The following LRP1B variants were observed in gnomAD, a reference collection of about 807,000 sequenced individuals.
LRP1B encodes LDL receptor related protein 1B.
A neutral mutation model predicts 556.6 loss-of-function variants in LRP1B; 217 were observed. The ratio of observed to expected loss-of-function variants is 0.39; its 90% CI spans 0.35 to 0.44. The LOEUF is 0.44. Among genes scored for constraint, LRP1B ranks in the 20% least tolerant of loss-of-function variants. The pLI is 1.00. For missense variants in LRP1B, 5,053 were observed against 5,620.8 expected, an observed-to-expected ratio of 0.90 and a Z score of 3.23; for synonymous variants, 2,047 against 1,865.8, an observed-to-expected ratio of 1.10 and a Z score of -2.50.
At chr2:141,225,955 A>G (rs749253810) in intron 6 of LRP1B, among the ~76,000 whole-genome samples, 51 of 152,110 alleles carry the variant, frequency 3.4e-4, no homozygotes, top group Non-Finnish European at 6.0e-4. Context: ...GTAAGCCAAC[A>G]TTACTAATAT....
rs536163126 is a variant in LRP1B, at chr2:141,614,207, A to G, written c.206-133674T>C. On this transcript the variant is annotated intron_variant, in intron 2 of 90. Transcript: ENST00000389484. ...AATGCTGCATAAAACAAATCTACTG[A>G]TTATGGAATCTTTTTCTCACACAAA... 3.3e-5 allele frequency among the ~76,000 whole-genome samples: 5 copies of G among 151,972 alleles called. No individual in the cohort carries two copies. The South Asian group carries it at 1.0e-3, about 32-fold the overall frequency.
intron 3 of LRP1B, among the ~76,000 whole-genome samples, chr2:141,434,982 C>A (rs528900927): frequency 4.6e-5 from 7 of 151,744 alleles, no homozygotes; most frequent in Non-Finnish European, 7.4e-5. Context: ...TCATTGTATA[C>A]GTAGTAGCTT....
intron 35 of LRP1B, among the ~76,000 whole-genome samples, chr2:140,717,842 AC>A (rs1165476237): frequency 2.6e-5 from 4 of 152,116 alleles, no homozygotes; most frequent in African/African-American, 7.2e-5. Context: ...TATAGTCTTT[AC>A]TTTTACCAGT....
chr2:141,868,220 A>C lies in LRP1B; in HGVS notation c.83-57819T>G, dbSNP rs149347625. On this transcript the variant is annotated intron_variant, in intron 1 of 90. Transcript: ENST00000389484. ...TTGGGAAATCTCTGAACGTTATTAA[A>C]TAGCCAAACCTCTAGTGCTACTCGT... 3.0e-3 allele frequency among the ~76,000 whole-genome samples: 450 copies of C among 152,288 alleles called. 5 individuals are homozygous for C. Among genetic ancestry groups the C allele is most frequent in the African/African-American group, 0.011 (439 of 41,568 alleles).
intron 77 of LRP1B, among the ~76,000 whole-genome samples, chr2:140,348,472 T>C (rs1681798212): frequency 6.6e-6 from 1 of 152,092 alleles, no homozygotes; most frequent in Non-Finnish European, 1.5e-5. Flanking sequence ...GACTCCTTAG[T>C]AGAAAATGCA....
intron 6 of LRP1B, among the ~76,000 whole-genome samples, chr2:141,196,920 A>G (rs1423663161): frequency 2.0e-5 from 3 of 152,064 alleles, no homozygotes; most frequent in Non-Finnish European, 4.4e-5. Flanking sequence ...CCACCTTACA[A>G]TGCAAGGTAT....
chr2:140,864,674 C>T (rs1455493647), intron 27 of LRP1B, among the ~76,000 whole-genome samples: 1 of 151,726 alleles, frequency 6.6e-6, no homozygotes, highest in Admixed American at 6.6e-5. Flanking sequence ...TTTTAATATA[C>T]CTGAAACTTA....
At chr2:141,891,827 C>T (rs893073291) in intron 1 of LRP1B, among the ~76,000 whole-genome samples, 3 of 152,010 alleles carry the variant, frequency 2.0e-5, no homozygotes, top group African/African-American at 7.2e-5. Flanking sequence ...AAACGGAAAA[C>T]TTTCAGTTTC....
chr2:140,904,848 G>GA (rs953314135), intron 22 of LRP1B, among the ~76,000 whole-genome samples: 5 of 151,052 alleles, frequency 3.3e-5, no homozygotes, highest in African/African-American at 4.9e-5. Flanking sequence ...AGGAGGTAAA[G>GA]AAAAAAAAAT....
At chr2:142,051,860 G>T (rs929974575) in intron 1 of LRP1B, among the ~76,000 whole-genome samples, 1 of 152,152 alleles carries the variant, frequency 6.6e-6, no homozygotes, top group African/African-American at 2.4e-5. Context: ...AAAAGTGCTT[G>T]TTAAAATCAT....
intron 2 of LRP1B, among the ~76,000 whole-genome samples, chr2:141,596,440 A>G (rs1687523735): frequency 6.6e-6 from 1 of 152,174 alleles, no homozygotes; most frequent in African/African-American, 2.4e-5. Flanking sequence ...AAGTGATGAG[A>G]GAAATTTGGA....
chr2:140,439,531 G>A (rs1004817462), intron 66 of LRP1B, among the ~76,000 whole-genome samples: 3 of 152,048 alleles, frequency 2.0e-5, no homozygotes, highest in African/African-American at 7.2e-5. Context: ...GCTCCAAGAT[G>A]TTCTTTAAAG....
At chr2:141,904,000 C>T (rs1048973537) in intron 1 of LRP1B, among the ~76,000 whole-genome samples, 1 of 151,854 alleles carries the variant, frequency 6.6e-6, no homozygotes, top group East Asian at 1.9e-4. Context: ...GAGAAATAAA[C>T]ACCAGAGAGC....
chr2:140,384,439 A>C (rs532742203), intron 67 of LRP1B, among the ~76,000 whole-genome samples: 5 of 152,182 alleles, frequency 3.3e-5, no homozygotes, highest in Non-Finnish European at 7.3e-5. Flanking sequence ...AGTTTTTAAA[A>C]ACTGGTGATT....
intron 2 of LRP1B, among the ~76,000 whole-genome samples, chr2:141,590,627 A>G (rs1048724059): frequency 6.6e-6 from 1 of 152,142 alleles, no homozygotes; most frequent in African/African-American, 2.4e-5. Context: ...CTCATCAGAA[A>G]GATTTTTCTC....
chr2:141,057,948 C>T lies in LRP1B; in HGVS notation c.1408+935G>A, dbSNP rs572343792. On this transcript the variant is annotated intron_variant, in intron 9 of 90. Coordinates refer to ENST00000389484, the MANE Select transcript of LRP1B (RefSeq NM_018557.3). ...ATCCACCTTACTTTCTTGATTTTCT[C>T]TATAGCACTTATTACCTTCTAATAT... Among the ~76,000 whole-genome samples, 4 of 151,950 alleles carry T rather than the reference C, an allele frequency of 2.6e-5. No individual in the cohort carries two copies. The East Asian group carries it at 7.8e-4, about 30-fold the overall frequency.
At chr2:141,878,311 C>A (rs1446952587) in intron 1 of LRP1B, among the ~76,000 whole-genome samples, 1 of 151,808 alleles carries the variant, frequency 6.6e-6, no homozygotes, top group Admixed American at 6.6e-5. Context: ...GGGTAAACAA[C>A]TGTAAAGAGC....
At chr2:142,003,137 G>A (rs1046243840) in intron 1 of LRP1B, among the ~76,000 whole-genome samples, 6 of 152,228 alleles carry the variant, frequency 3.9e-5, no homozygotes, top group African/African-American at 4.8e-5. Context: ...ACATGTCATT[G>A]AAAGGTTCTA....
intron 3 of LRP1B, among the ~76,000 whole-genome samples, chr2:141,311,134 G>A (rs2105449041): frequency 6.6e-6 from 1 of 152,254 alleles, no homozygotes; most frequent in Non-Finnish European, 1.5e-5. Context: ...TCTTCTAAGT[G>A]GGCCATGTGT....
Sources: gnomAD v4.1 joint callset for allele counts (sites outside exome capture counted in the v4.1 genomes callset) on GRCh38, gnomAD v4.1.1 for gene constraint, MANE v1.5 for transcripts, NCBI Gene and HGNC (gene_info 2026-07-23, HGNC 2026-07-21) for gene names.